PCDH15: variants seen among roughly 807,000 people sequenced by gnomAD.
PCDH15 encodes protocadherin-15.
PCDH15 carries 129 observed loss-of-function variants against 178.5 expected under a neutral mutation model. That is an observed-to-expected ratio of 0.72 (90% CI 0.63 to 0.84). The LOEUF (loss-of-function observed/expected upper bound fraction) is 0.84, where lower values mean the gene tolerates loss of function less well. Among genes scored for constraint, PCDH15 ranks in the 40% least tolerant of loss-of-function variants. The pLI is 0.00. For missense variants in PCDH15, 2,230 were observed against 2,099.9 expected (o/e 1.06, Z -1.21); for synonymous variants, 800 against 732.0 (o/e 1.09, Z -1.50).
At chr10:55,280,269 CTTTTTT>C (rs1007536850) in intron 1 of PCDH15, among the ~76,000 whole-genome samples, 1 of 65,990 alleles carries the variant, frequency 1.5e-5, no homozygotes, top group East Asian at 4.2e-4. Flanking sequence ...TATTTTGATT[CTTTTTT>C]TTTTTTTTTT....
intron 8 of PCDH15, among the ~76,000 whole-genome samples, chr10:54,312,444 G>A (rs2060966958): frequency 1.3e-5 from 2 of 152,038 alleles, no homozygotes; most frequent in Admixed American, 1.3e-4. Context: ...CCCTCATATA[G>A]GGAGGTGGAG....
intron 3 of PCDH15, among the ~76,000 whole-genome samples, chr10:54,824,869 T>C (rs1033252429): frequency 4.6e-5 from 7 of 152,090 alleles, no homozygotes; most frequent in African/African-American, 1.7e-4. Flanking sequence ...AGCCTACTTC[T>C]TTTATTTTTT....
intron 13 of PCDH15, among the ~76,000 whole-genome samples, chr10:54,179,774 A>G (rs1203965784): frequency 6.6e-6 from 1 of 152,184 alleles, no homozygotes; most frequent in Admixed American, 6.5e-5. Context: ...TGGCATCAAT[A>G]CTTTAAAAGT....
At chr10:54,398,252 T>TA (rs950994789) in intron 3 of PCDH15, among the ~76,000 whole-genome samples, 1 of 151,786 alleles carries the variant, frequency 6.6e-6, no homozygotes, top group African/African-American at 2.4e-5. Context: ...TAGTCTTAAT[T>TA]AAAAAAACAC....
At chr10:54,171,659 A>G (rs893574461) in intron 13 of PCDH15, among the ~76,000 whole-genome samples, 12 of 151,908 alleles carry the variant, frequency 7.9e-5, no homozygotes, top group Non-Finnish European at 1.8e-4. Context: ...AAGTAAATAA[A>G]TAATCTTTGC....
intron 2 of PCDH15, among the ~76,000 whole-genome samples, chr10:55,086,855 G>A (rs1287324305): frequency 6.6e-6 from 1 of 151,966 alleles, no homozygotes; most frequent in Non-Finnish European, 1.5e-5. Context: ...TTAATTTTCT[G>A]ATTTTGGTGG....
intron 1 of PCDH15, among the ~76,000 whole-genome samples, chr10:54,697,949 C>A (rs1385673799): frequency 1.3e-5 from 2 of 150,320 alleles, no homozygotes; most frequent in African/African-American, 4.9e-5. Flanking sequence ...TCTGTACATT[C>A]CCTTCTTATC....
At chr10:54,870,486 CA>C (rs1390173967) in intron 3 of PCDH15, among the ~76,000 whole-genome samples, 1 of 151,970 alleles carries the variant, frequency 6.6e-6, no homozygotes, top group Non-Finnish European at 1.5e-5. Flanking sequence ...GTACTTGGAT[CA>C]AAATTCCACA....
intron 3 of PCDH15, among the ~76,000 whole-genome samples, chr10:54,402,145 C>G (rs750816869): frequency 6.6e-6 from 1 of 151,670 alleles, no homozygotes; most frequent in South Asian, 2.1e-4. Context: ...ATAACTCAAA[C>G]AACACAGAAA....
At chr10:53,927,526 G>A (rs1476557659) in intron 25 of PCDH15, among the ~76,000 whole-genome samples, 1 of 152,032 alleles carries the variant, frequency 6.6e-6, no homozygotes, top group Non-Finnish European at 1.5e-5. Flanking sequence ...AAAATATATG[G>A]TTAATTATAA....
At chr10:54,439,930 G>T (rs143390856) in intron 3 of PCDH15, among the ~76,000 whole-genome samples, 1 of 151,976 alleles carries the variant, frequency 6.6e-6, no homozygotes, top group Non-Finnish European at 1.5e-5. Flanking sequence ...TATGAACTAC[G>T]AATAGATTTA....
At chr10:53,994,642 C>T (rs1268942438) in intron 21 of PCDH15, 1 of 151,978 alleles carries the variant, frequency 6.6e-6, no homozygotes, top group Non-Finnish European at 1.5e-5. Context: ...TCATATATCC[C>T]AAAGCACAAT....
chr10:54,687,499 T>A (rs1384843464), intron 1 of PCDH15, among the ~76,000 whole-genome samples: 2 of 152,128 alleles, frequency 1.3e-5, no homozygotes, highest in African/African-American at 2.4e-5. Context: ...ACCAAAACTT[T>A]ATTTGGACTC....
chr10:54,503,690 G>C (rs1326866140), intron 3 of PCDH15, among the ~76,000 whole-genome samples: 1 of 151,900 alleles, frequency 6.6e-6, no homozygotes, highest in Non-Finnish European at 1.5e-5. Context: ...ATCATGGTTT[G>C]TGTAATACTT....
chr10:54,424,754 C>A (rs1291915761), intron 3 of PCDH15, among the ~76,000 whole-genome samples: 1 of 150,548 alleles, frequency 6.6e-6, no homozygotes, highest in Non-Finnish European at 1.5e-5. Flanking sequence ...CAAACTATCA[C>A]AAGGACTAAA....
chr10:54,093,221 T>A (rs970580848), intron 15 of PCDH15, among the ~76,000 whole-genome samples: 57 of 152,292 alleles, frequency 3.7e-4, no homozygotes, highest in African/African-American at 1.3e-3. Context: ...TTCATTCTTA[T>A]GTGAGGTTAT....
At chr10:54,316,740 C>G (rs538400052) in intron 8 of PCDH15, among the ~76,000 whole-genome samples, 3 of 152,116 alleles carry the variant, frequency 2.0e-5, no homozygotes, top group Non-Finnish European at 4.4e-5. Context: ...ATCAAAAATA[C>G]AGGATTAAGT....
intron 1 of PCDH15, among the ~76,000 whole-genome samples, chr10:55,189,040 AG>A (rs879355224): frequency 3.3e-5 from 5 of 151,916 alleles, no homozygotes; most frequent in African/African-American, 4.8e-5. Context: ...CCTTTGTAGT[AG>A]TAAACTGATC....
At chr10:55,000,727 A>C (rs117460198) in intron 2 of PCDH15, among the ~76,000 whole-genome samples, 3 of 152,204 alleles carry the variant, frequency 2.0e-5, no homozygotes, top group Non-Finnish European at 4.4e-5. Flanking sequence ...GGAATCTGAT[A>C]AATGTCCATG....
Sources: allele counts gnomAD v4.1 joint callset (sites outside exome capture counted in the v4.1 genomes callset), GRCh38; gene constraint gnomAD v4.1.1; transcripts MANE v1.5; gene names NCBI Gene and HGNC (gene_info 2026-07-23, HGNC 2026-07-21).